The following TRPC5 variants were observed in gnomAD, a reference collection of about 807,000 sequenced individuals.
TRPC5 encodes transient receptor potential cation channel subfamily C member 5.
In TRPC5, 9 loss-of-function variants were observed where a neutral mutation model predicts 56.5. The observed-to-expected ratio is 0.16, with a 90% confidence interval of 0.10 to 0.28. TRPC5 has a LOEUF of 0.28. TRPC5 is among the 10% of genes least tolerant of loss of function. The probability of loss-of-function intolerance (pLI) is 1.00; values close to 1 mark genes in which losing one functional copy is unlikely to be tolerated. For synonymous variants in TRPC5, 282 were observed against 278.5 expected (o/e 1.01, Z -0.13); for missense variants, 469 against 748.9 (o/e 0.63, Z 4.36).
intron 3 of TRPC5, among the ~76,000 whole-genome samples, chrX:111,884,569 A>G (rs1180848179): frequency 8.9e-6 from 1 of 112,817 alleles, no homozygotes; most frequent in East Asian, 2.8e-4. Context: ...GTTGAAGCCT[A>G]GCCAAGGACT....
chrX:112,033,664 T>C (rs1929649046), intron 1 of TRPC5, among the ~76,000 whole-genome samples: 1 of 111,596 alleles, frequency 9.0e-6, no homozygotes, highest in African/African-American at 3.3e-5. Flanking sequence ...GTTTTATAGT[T>C]TTAGCTCTTA....
At chrX:111,905,229 T>A (rs985537592) in intron 3 of TRPC5, among the ~76,000 whole-genome samples, 3 of 110,646 alleles carry the variant, frequency 2.7e-5, no homozygotes, top group Non-Finnish European at 5.7e-5. Flanking sequence ...ATAGACTAGA[T>A]GTACTTAGTG....
intron 1 of TRPC5, among the ~76,000 whole-genome samples, chrX:112,054,729 T>A (rs1930302665): frequency 9.0e-6 from 1 of 111,381 alleles, no homozygotes; most frequent in Non-Finnish European, 1.9e-5. Context: ...ATAACCACTC[T>A]GCTATTTATG....
chrX:111,826,817 TG>T (rs1486707328), intron 7 of TRPC5, among the ~76,000 whole-genome samples: 1 of 112,093 alleles, frequency 8.9e-6, no homozygotes, highest in Admixed American at 9.5e-5. Context: ...ATTCTTATCC[TG>T]GAAGAAATTA....
In TRPC5 at chrX:111,944,303, T is replaced by TGTGAAA. The variant is rs1173179815; in HGVS notation, c.378+7739_378+7740insTTTCAC. Among the ~76,000 whole-genome samples, 110 of 61,367 alleles carry TGTGAAA rather than the reference T, an allele frequency of 1.8e-3. 1 individual carries two copies. Among genetic ancestry groups the TGTGAAA allele is most frequent in the South Asian group, 4.4e-3 (7 of 1,574 alleles). The allele number at this position is 61,367 out of a possible 115,157, so 53.3% of individuals were successfully genotyped here. A position where few individuals can be genotyped will look rare whatever the true frequency, so the allele number is the denominator to read the frequency against. On this transcript the variant is annotated intron_variant, in intron 2 of 10. Transcript: ENST00000262839. ...GTGTGTGTGTGTGTGTGTGTGTGTG[T>TGTGAAA]GAGAGAGAGAGAGAGAGAGAGAGAG...
At chrX:112,080,706 C>T (rs974139294) in intron 1 of TRPC5, among the ~76,000 whole-genome samples, 19 of 111,838 alleles carry the variant, frequency 1.7e-4, no homozygotes, top group African/African-American at 6.2e-4. Flanking sequence ...CATGTGACAT[C>T]ATTTATATCT....
chrX:112,038,058 A>G lies in TRPC5; in HGVS notation c.-22+43821T>C, dbSNP rs1171778057. 3.6e-5 allele frequency among the ~76,000 whole-genome samples: 4 copies of G among 111,630 alleles called. No individual in the cohort carries two copies. In the East Asian group the frequency reaches 1.1e-3, roughly 31 times the overall value. ...AAACTTGGCAAAACCATGCACATGT[A>G]TTTTTCCACTGCAAAAGGGAGTATG... On this transcript the variant is annotated intron_variant, in intron 1 of 10. Transcript: ENST00000262839.
At chrX:112,041,322 C>T (rs762365917) in intron 1 of TRPC5, among the ~76,000 whole-genome samples, 42 of 111,859 alleles carry the variant, frequency 3.8e-4, no homozygotes, top group Non-Finnish European at 6.0e-4. Flanking sequence ...TATAGTTACC[C>T]GCTAAGACCT....
chrX:112,023,913 G>A lies in TRPC5; in HGVS notation c.-22+57966C>T, dbSNP rs987206012. Among the ~76,000 whole-genome samples, 13 of 111,581 alleles carry A rather than the reference G, an allele frequency of 1.2e-4. No individual in the cohort carries two copies. The South Asian group carries it at 5.0e-3, about 43-fold the overall frequency. On this transcript the variant is annotated intron_variant, in intron 1 of 10. Transcript: ENST00000262839. ...CAAATACATAAAAATTGAAAAGGGG[G>A]TGAGAGCAGTTCCAACTAGCAATAT...
chrX:112,056,432 C>A (rs1002475967), intron 1 of TRPC5, among the ~76,000 whole-genome samples: 1 of 112,330 alleles, frequency 8.9e-6, no homozygotes, highest in Non-Finnish European at 1.9e-5. Context: ...CTCACTAAAT[C>A]AAACATGCTT....
intron 7 of TRPC5, among the ~76,000 whole-genome samples, chrX:111,817,946 G>A (rs773513564): frequency 9.0e-6 from 1 of 111,363 alleles, no homozygotes. Flanking sequence ...CATCAGAAGT[G>A]CCAGCTAGCT....
intron 2 of TRPC5, among the ~76,000 whole-genome samples, chrX:111,938,991 C>G (rs146699129): frequency 0.069 from 7,735 of 111,415 alleles, 206 homozygotes; most frequent in African/African-American, 0.081. Flanking sequence ...TATTCCAGAT[C>G]TTAGAGGAAA....
intron 1 of TRPC5, among the ~76,000 whole-genome samples, chrX:112,073,803 C>G (rs1930770918): frequency 9.0e-6 from 1 of 111,666 alleles, no homozygotes; most frequent in Non-Finnish European, 1.9e-5. Flanking sequence ...ATTATCTCAC[C>G]TCGCCTTCAC....
chrX:111,930,693 C>A (rs930728675), intron 2 of TRPC5: 3 of 112,034 alleles, frequency 2.7e-5, no homozygotes, highest in African/African-American at 9.7e-5. Context: ...TTGTCTCCAT[C>A]TTCAGGGCAG....
At chrX:111,905,861 G>A (rs1384342416) in intron 3 of TRPC5, among the ~76,000 whole-genome samples, 13 of 101,035 alleles carry the variant, frequency 1.3e-4, no homozygotes, top group Non-Finnish European at 7.9e-5. Context: ...CTTGCAGTGA[G>A]CCAAGATCGT....
intron 2 of TRPC5, among the ~76,000 whole-genome samples, chrX:111,928,819 A>T (rs1353445519): frequency 1.8e-5 from 2 of 112,381 alleles, no homozygotes; most frequent in Non-Finnish European, 3.8e-5. Flanking sequence ...GAAGTCAGAC[A>T]TGCCCCACAT....
chrX:112,029,829 C>CTTT (rs35476875), intron 1 of TRPC5, among the ~76,000 whole-genome samples: 3 of 98,716 alleles, frequency 3.0e-5, no homozygotes, highest in African/African-American at 1.1e-4. Flanking sequence ...AAGCCTCATC[C>CTTT]TTTTTTTTTT....
intron 1 of TRPC5, among the ~76,000 whole-genome samples, chrX:111,987,510 A>C (rs1327525989): frequency 9.1e-6 from 1 of 110,217 alleles, no homozygotes; most frequent in Non-Finnish European, 1.9e-5. Flanking sequence ...TTTGACCTTC[A>C]TCTCCCCACA....
chrX:111,805,714 C>T (rs1393688662), intron 7 of TRPC5, among the ~76,000 whole-genome samples: 1 of 111,352 alleles, frequency 9.0e-6, no homozygotes, highest in East Asian at 2.8e-4. Context: ...CACTCTGTCA[C>T]CCAGGCTGGA....
Sources: allele counts gnomAD v4.1 joint callset (sites outside exome capture counted in the v4.1 genomes callset), GRCh38; gene constraint gnomAD v4.1.1; transcripts MANE v1.5; gene names NCBI Gene and HGNC (gene_info 2026-07-23, HGNC 2026-07-21).